Variants in TSHR observed in about 807,000 individuals in gnomAD.
TSHR encodes thyrotropin receptor.
Under a neutral mutation model 64.1 loss-of-function variants are expected in TSHR, and 51 were observed. The observed-to-expected ratio is 0.80, with a 90% CI of 0.64 to 1.01. The LOEUF is 1.01. Ranked by LOEUF, TSHR falls within the 50% of genes least tolerant of loss-of-function variation. The pLI, the probability that TSHR is intolerant of heterozygous loss-of-function variation, is 0.00. For missense variants in TSHR, 877 were observed against 942.8 expected (o/e 0.93, Z 0.91); for synonymous variants, 361 against 361.9 (o/e 1.00, Z 0.03).
intron 8 of TSHR, among the ~76,000 whole-genome samples, chr14:81,124,010 A>T (rs551855381): frequency 6.6e-6 from 1 of 152,304 alleles, no homozygotes; most frequent in African/African-American, 2.4e-5. Context: ...AGTTCTCTAA[A>T]TTCTAAATTA....
chr14:81,058,190 G>T (rs1260865578), intron 1 of TSHR, among the ~76,000 whole-genome samples: 2 of 152,158 alleles, frequency 1.3e-5, no homozygotes, highest in Non-Finnish European at 2.9e-5. Context: ...TGCAAAATCT[G>T]CAAGTCAGTC....
At chr14:80,964,799 A>G (rs1195282917) in intron 1 of TSHR, among the ~76,000 whole-genome samples, 1 of 152,258 alleles carries the variant, frequency 6.6e-6, no homozygotes, top group Non-Finnish European at 1.5e-5. Context: ...CCTAACAGAC[A>G]TATTTTAACA....
intron 1 of TSHR, among the ~76,000 whole-genome samples, chr14:80,977,941 A>G (rs1887962924): frequency 6.6e-6 from 1 of 151,992 alleles, no homozygotes; most frequent in South Asian, 2.1e-4. Flanking sequence ...CTTCTCATAC[A>G]GTGTTCAATT....
intron 3 of TSHR, among the ~76,000 whole-genome samples, chr14:81,086,130 G>T (rs987127482): frequency 4.6e-5 from 7 of 152,300 alleles, no homozygotes; most frequent in Non-Finnish European, 8.8e-5. Flanking sequence ...AGATCTTGGG[G>T]TATAAACTGT....
intron 1 of TSHR, among the ~76,000 whole-genome samples, chr14:81,015,547 G>A (rs1361034724): frequency 6.6e-6 from 1 of 151,996 alleles, no homozygotes; most frequent in Non-Finnish European, 1.5e-5. Context: ...ACAACGTGAT[G>A]CTTTGAAATA....
chr14:81,115,892 A>C (rs1250629862), intron 8 of TSHR, among the ~76,000 whole-genome samples: 1 of 149,660 alleles, frequency 6.7e-6, no homozygotes, highest in Non-Finnish European at 1.5e-5. Context: ...TCTTCAAGAA[A>C]AGAATTTTCA....
At chr14:81,001,344 T>G (rs1274543852) in intron 1 of TSHR, 1 of 304,186 alleles carries the variant, frequency 3.3e-6, no homozygotes, top group Non-Finnish European at 6.5e-6. Flanking sequence ...AATTTGTTCC[T>G]TTTCAGTAAG....
At chr14:81,092,023 A>G (rs983294867) in intron 5 of TSHR, among the ~76,000 whole-genome samples, 1 of 152,264 alleles carries the variant, frequency 6.6e-6, no homozygotes, top group African/African-American at 2.4e-5. Flanking sequence ...TCTTTGTTGC[A>G]AAAGAGCTCA....
At chr14:80,983,714 C>G (rs1408359046) in intron 1 of TSHR, 13 of 475,122 alleles carry the variant, frequency 2.7e-5, no homozygotes, top group South Asian at 2.0e-4. Flanking sequence ...AGCCTTGTAT[C>G]ATATTTGGTT....
chr14:81,007,276 A>G (rs544011878), intron 1 of TSHR, among the ~76,000 whole-genome samples: 80 of 152,330 alleles, frequency 5.3e-4, no homozygotes, highest in Non-Finnish European at 9.4e-4. Context: ...TAAGAAACAA[A>G]TATCTGCTGC....
chr14:81,139,861 TC>T lies in TSHR; in HGVS notation c.876del (p.Arg293GlufsTer7). 6.2e-7 allele frequency: 1 copy of T among 1,614,108 alleles called. No individual in the cohort carries two copies. Among genetic ancestry groups the T allele is most frequent in the Non-Finnish European group, 8.5e-7 (1 of 1,180,030 alleles). ...HCCAFKNQKK[I>X]RGILESLMCN... ...TGTGCTTTTAAGAATCAGAAGAAAA[TC>T]AGAGGGTAAGTGGCAGGGACCCGGC... On this transcript the variant is annotated frameshift_variant, in exon 9 of 10. Coordinates refer to ENST00000298171, the MANE Select transcript of TSHR (RefSeq NM_000369.5). LOFTEE classifies it high-confidence loss of function.
intron 1 of TSHR, among the ~76,000 whole-genome samples, chr14:81,056,074 C>G (rs149325053): frequency 0.032 from 4,813 of 152,168 alleles, 122 homozygotes; most frequent in Admixed American, 0.058. Context: ...GCAGGTCTTT[C>G]CTGTGCTGTT....
intron 1 of TSHR, among the ~76,000 whole-genome samples, chr14:81,027,876 G>T (rs975706588): frequency 6.6e-6 from 1 of 151,942 alleles, no homozygotes; most frequent in African/African-American, 2.4e-5. Context: ...GGAGCGAGAG[G>T]GAAATGAAAA....
At chr14:81,035,035 G>T (rs2139830127) in intron 1 of TSHR, among the ~76,000 whole-genome samples, 1 of 152,214 alleles carries the variant, frequency 6.6e-6, no homozygotes, top group East Asian at 1.9e-4. Flanking sequence ...AACAGGGAGG[G>T]TGCAAAGCCT....
intron 8 of TSHR, among the ~76,000 whole-genome samples, chr14:81,128,520 G>A (rs1314342711): frequency 6.6e-6 from 1 of 152,158 alleles, no homozygotes; most frequent in Non-Finnish European, 1.5e-5. Flanking sequence ...AAAGCCTCCA[G>A]TGGTGCTTTA....
chr14:81,079,937 TTTTGTTTGTTTGTTTG>T (rs36136362), intron 3 of TSHR, among the ~76,000 whole-genome samples: 2 of 149,768 alleles, frequency 1.3e-5, no homozygotes, highest in South Asian at 2.1e-4. Flanking sequence ...AGTTTTTGGG[TTTTGTTTGTTTGTTTG>T]TTTGTTTGTT....
chr14:81,104,661 C>T, intron 7 of TSHR: 1 of 985,414 alleles, frequency 1.0e-6, no homozygotes. Context: ...ACATATAGTA[C>T]ACATAATACT....
intron 8 of TSHR, among the ~76,000 whole-genome samples, chr14:81,138,236 G>T (rs570312293): frequency 6.7e-6 from 1 of 148,554 alleles, no homozygotes; most frequent in African/African-American, 2.5e-5. Context: ...TGTCACCCAG[G>T]CTGGAGTACA....
chr14:81,046,289 T>A lies in TSHR; in HGVS notation c.171-15859T>A, dbSNP rs540866736. Among the ~76,000 whole-genome samples the A allele has an allele frequency of 2.6e-5, 4 of 152,062 alleles. 1 individual carries two copies. In the South Asian group the frequency reaches 8.3e-4, roughly 32 times the overall value. ...ACATTAAAACATCTATTATAAGTCT[T>A]CTAAACAACCTCAAAAAAATAAAAG... On this transcript the variant is annotated intron_variant, in intron 1 of 9. Coordinates refer to ENST00000298171, the MANE Select transcript of TSHR (RefSeq NM_000369.5).
Sources: gnomAD v4.1 joint callset for allele counts (sites outside exome capture counted in the v4.1 genomes callset) on GRCh38, gnomAD v4.1.1 for gene constraint, MANE v1.5 for transcripts, NCBI Gene and HGNC (gene_info 2026-07-23, HGNC 2026-07-21) for gene names.